The following SGPP2 variants were observed in gnomAD, a reference collection of about 807,000 sequenced individuals.
The protein encoded by SGPP2 is sphingosine 1-phosphate phosphohydrolase 2.
SGPP2 carries 30 observed loss-of-function variants against 33.9 expected under a neutral mutation model. That is an observed-to-expected ratio of 0.89 (90% CI 0.66 to 1.20). The LOEUF is 1.20. Among genes scored for constraint, SGPP2 ranks in the 50% most tolerant of loss-of-function variants. SGPP2 has a pLI of 0.00. For synonymous variants in SGPP2, 233 were observed against 225.0 expected (o/e 1.04, Z -0.32); for missense variants, 458 against 532.1 (o/e 0.86, Z 1.37).
chr2:222,515,032 A>C (rs1698583295), intron 2 of SGPP2, among the ~76,000 whole-genome samples: 1 of 152,014 alleles, frequency 6.6e-6, no homozygotes, highest in African/African-American at 2.4e-5. Flanking sequence ...AAAAAAAAAA[A>C]AAGAAACCAC....
chr2:222,456,866 C>T (rs192472749), intron 1 of SGPP2, among the ~76,000 whole-genome samples: 2 of 152,272 alleles, frequency 1.3e-5, no homozygotes, highest in East Asian at 3.9e-4. Flanking sequence ...CTCTCCTGCT[C>T]CACTTGTGGG....
chr2:222,515,400 C>T (rs1185791574), intron 2 of SGPP2, among the ~76,000 whole-genome samples: 1 of 152,140 alleles, frequency 6.6e-6, no homozygotes, highest in Non-Finnish European at 1.5e-5. Flanking sequence ...ATGATCTTGG[C>T]TCATTGCAAC....
chr2:222,433,240 T>G (rs1310892578), intron 1 of SGPP2, among the ~76,000 whole-genome samples: 1 of 152,078 alleles, frequency 6.6e-6, no homozygotes, highest in Non-Finnish European at 1.5e-5. Flanking sequence ...ATAGAATGGC[T>G]CAGAGAGGAC....
At chr2:222,470,033 A>C (rs1235303088) in intron 1 of SGPP2, among the ~76,000 whole-genome samples, 1 of 152,180 alleles carries the variant, frequency 6.6e-6, no homozygotes, top group Non-Finnish European at 1.5e-5. Flanking sequence ...CAAACACCAC[A>C]TGTTCTCACT....
intron 1 of SGPP2, among the ~76,000 whole-genome samples, chr2:222,438,016 CCTT>C (rs1697270863): frequency 6.6e-6 from 1 of 152,164 alleles, no homozygotes; most frequent in Admixed American, 6.5e-5. Flanking sequence ...TGTTGCAGAG[CCTT>C]CTTCTGTTCT....
intron 4 of SGPP2, among the ~76,000 whole-genome samples, chr2:222,527,018 G>A (rs763131526): frequency 3.3e-5 from 5 of 152,182 alleles, no homozygotes; most frequent in African/African-American, 4.8e-5. Context: ...GAGAACTCGG[G>A]TTAAAGTTAA....
At chr2:222,442,113 C>G (rs968094948) in intron 1 of SGPP2, among the ~76,000 whole-genome samples, 2 of 152,146 alleles carry the variant, frequency 1.3e-5, no homozygotes, top group Non-Finnish European at 2.9e-5. Context: ...AAATATCCTT[C>G]CTTGGGCAAA....
At chr2:222,521,983 G>A (rs547664274) in intron 3 of SGPP2, 37 bp downstream of exon 3, 10 of 1,467,462 alleles carry the variant, frequency 6.8e-6, no homozygotes, top group East Asian at 2.6e-5. Flanking sequence ...CCCACCTACT[G>A]AGGCAGCAAA....
intron 1 of SGPP2, among the ~76,000 whole-genome samples, chr2:222,451,989 A>C (rs1697497176): frequency 6.6e-6 from 1 of 152,054 alleles, no homozygotes; most frequent in Non-Finnish European, 1.5e-5. Context: ...CTCTTGAGCA[A>C]CATGGATTTG....
At chr2:222,456,367 C>G (rs1054762524) in intron 1 of SGPP2, among the ~76,000 whole-genome samples, 1 of 152,162 alleles carries the variant, frequency 6.6e-6, no homozygotes, top group Non-Finnish European at 1.5e-5. Flanking sequence ...ACTAGCCTCA[C>G]GTGGCTGTTG....
At chr2:222,452,756 T>C in intron 1 of SGPP2, 1 of 1,460,828 alleles carries the variant, frequency 6.8e-7, no homozygotes, top group Non-Finnish European at 9.6e-7. Flanking sequence ...TCACCAGGCA[T>C]TCCTGGTGGT....
intron 2 of SGPP2, among the ~76,000 whole-genome samples, chr2:222,511,596 A>G (rs1698528812): frequency 6.6e-6 from 1 of 152,194 alleles, no homozygotes; most frequent in South Asian, 2.1e-4. Flanking sequence ...AATACAGAGA[A>G]AAGCCCTCCA....
In SGPP2 at chr2:222,550,755, C is replaced by T. The variant is rs1392110431; in HGVS notation, c.649-7592C>T. 6.6e-6 allele frequency among the ~76,000 whole-genome samples: 1 copy of T among 152,080 alleles called. No homozygotes were observed. The highest frequency in any genetic ancestry group is 1.5e-5 in the Non-Finnish European group (1 of 68,008). On this transcript the variant is annotated intron_variant, in intron 4 of 4. Transcript: ENST00000321276. This position sits in a 1 kb window ranked among gnomAD's most constrained non-coding sequence, Gnocchi z 4.5. ...GTCTTTCTTATTATGATGTATGTTC[C>T]ATACTTTCTGCATTTTTGCTTGTTT...
At chr2:222,512,733 G>A (rs766509680) in intron 2 of SGPP2, among the ~76,000 whole-genome samples, 8 of 152,072 alleles carry the variant, frequency 5.3e-5, no homozygotes, top group Non-Finnish European at 7.4e-5. Context: ...CATACAGTAC[G>A]TTCCCTTTGC....
chr2:222,537,917 G>A (rs1364552257), intron 4 of SGPP2, among the ~76,000 whole-genome samples: 2 of 152,136 alleles, frequency 1.3e-5, no homozygotes, highest in African/African-American at 2.4e-5. Flanking sequence ...CTAAAACCTG[G>A]AAACAACCTG....
Position 222,424,620 on chromosome 2 carries a change from G to A in SGPP2, c.18G>A (p.Arg6=). ...GGCACACCATGGCCGAGCTGCTGCG[G>A]AGCCTGCAGGATTCCCAGCTCGTCG... MAELL[R]SLQDSQLVAR... The change falls in exon 1 of 5, where the codon CGG becomes CGA. Residue 6 remains arginine (R), a synonymous_variant. Transcript: ENST00000321276. The A allele has an allele frequency of 1.4e-6, 2 of 1,392,564 alleles. No individual in the cohort carries two copies. The highest frequency in any genetic ancestry group is 3.0e-5 in the South Asian group (2 of 65,968). The allele number at this position is 1,392,564 out of a possible 1,614,324, so 86.3% of individuals were successfully genotyped here. A position where few individuals can be genotyped will look rare whatever the true frequency, so the allele number is the denominator to read the frequency against.
intron 2 of SGPP2, chr2:222,504,405 A>T (rs1305411263): frequency 1.3e-5 from 2 of 152,252 alleles, no homozygotes; most frequent in Admixed American, 6.5e-5. Context: ...AGCACTTGGT[A>T]TGCAGGTGAC....
intron 2 of SGPP2, among the ~76,000 whole-genome samples, chr2:222,487,387 C>T (rs1286498658): frequency 6.6e-6 from 1 of 152,170 alleles, no homozygotes; most frequent in East Asian, 1.9e-4. Flanking sequence ...TAATAACTAA[C>T]AAATTGACAT....
rs201809135 is a variant in SGPP2 at position 222,474,615 on chromosome 2, A to G, written c.267A>G (p.Leu89=). Residue 89 remains leucine (L), a synonymous_variant, in exon 2 of 5, where the codon CTA becomes CTG. Transcript: ENST00000321276. ...TGAAGAATTATTTCTACTATTACCTATTCCAATTTTCAGCTGCTTTGGGCC... is the reference window on the plus strand; with the variant it reads ...TGAAGAATTATTTCTACTATTACCTGTTCCAATTTTCAGCTGCTTTGGGCC... ...YVVKNYFYYY[L]FQFSAALGQE... 8.1e-6 allele frequency: 13 copies of G among 1,613,904 alleles called. No individual in the cohort carries two copies. Among genetic ancestry groups the G allele is most frequent in the Admixed American group, 3.3e-5 (2 of 59,992 alleles).
Sources: gnomAD v4.1 joint callset for allele counts (sites outside exome capture counted in the v4.1 genomes callset) on GRCh38, gnomAD v4.1.1 for gene constraint, Gnocchi (gnomAD v3.1) non-coding constraint, MANE v1.5 for transcripts, NCBI Gene and HGNC (gene_info 2026-07-23, HGNC 2026-07-21) for gene names.